WDR11: variants seen among roughly 807,000 people sequenced by gnomAD.
WDR11 encodes WD repeat domain 11, also known as WD repeat-containing protein 11.
Under a neutral mutation model 151.2 loss-of-function variants are expected in WDR11, and 83 were observed. The ratio of observed to expected loss-of-function variants is 0.55; its 90% CI spans 0.46 to 0.66. The LOEUF (loss-of-function observed/expected upper bound fraction) is 0.66. Ranked by LOEUF, WDR11 falls within the 30% of genes least tolerant of loss-of-function variation. WDR11 has a pLI of 0.00. For missense variants in WDR11, 1,301 were observed against 1,480.9 expected, an observed-to-expected ratio of 0.88 and a Z score of 1.99; for synonymous variants, 484 against 533.1, an observed-to-expected ratio of 0.91 and a Z score of 1.27.
intron 10 of WDR11, among the ~76,000 whole-genome samples, chr10:120,872,640 TCTC>T (rs1444867425): frequency 6.6e-6 from 1 of 152,088 alleles, no homozygotes; most frequent in African/African-American, 2.4e-5. Context: ...TGGAATTAAT[TCTC>T]CTTGTGGTGC....
intron 1 of WDR11, 95 bp downstream of exon 1, chr10:120,851,601 G>A: frequency 4.0e-6 from 6 of 1,482,410 alleles, no homozygotes; most frequent in Non-Finnish European, 5.5e-6. Context: ...GGTTAGTTTG[G>A]CCTCGCTAAG....
intron 2 of WDR11, among the ~76,000 whole-genome samples, chr10:120,855,770 ATTT>A (rs1452586124): frequency 6.6e-6 from 1 of 151,870 alleles, no homozygotes; most frequent in South Asian, 2.1e-4. Flanking sequence ...TTTTGGGTAA[ATTT>A]TTTTTAAGTA....
chr10:120,876,495 G>A (rs191238369), intron 11 of WDR11, among the ~76,000 whole-genome samples: 4 of 152,278 alleles, frequency 2.6e-5, no homozygotes, highest in East Asian at 1.9e-4. Flanking sequence ...AGTGACACAG[G>A]TATCTGTTTG....
At chr10:120,886,593 T>G (rs1462378880) in intron 15 of WDR11, 96 bp from the exon 16 acceptor site, 1 of 1,492,232 alleles carries the variant, frequency 6.7e-7, no homozygotes, top group Non-Finnish European at 9.1e-7. Flanking sequence ...TTGGACCTCC[T>G]CTTAATGCGT....
At position 120,871,153 on chromosome 10, in the gene WDR11, T is replaced by C. The variant is rs779873389; in HGVS notation, c.1295-17T>C. The C allele has an allele frequency of 5.6e-6, 9 of 1,613,874 alleles. No individual in the cohort carries two copies. The South Asian group carries it at 7.7e-5, about 14-fold the overall frequency. On this transcript the variant is annotated splice_polypyrimidine_tract_variant and intron_variant, in intron 9 of 28. Coordinates refer to ENST00000263461, the MANE Select transcript of WDR11 (RefSeq NM_018117.12). The stretch of plus-strand genomic sequence containing the variant: ...TACACTGTAGTTAATATATTTGTTA[T>C]TTTTATTACAAATCAGGGCAAAGTG...
chr10:120,854,894 C>T (rs1845896280), intron 2 of WDR11, among the ~76,000 whole-genome samples: 1 of 152,078 alleles, frequency 6.6e-6, no homozygotes, highest in African/African-American at 2.4e-5. Context: ...AGTAGTCCTC[C>T]CTTATCCAGA....
At chr10:120,874,657 G>A (rs763284467) in intron 11 of WDR11, among the ~76,000 whole-genome samples, 2 of 152,038 alleles carry the variant, frequency 1.3e-5, no homozygotes, top group African/African-American at 2.4e-5. Context: ...AGAACATACA[G>A]TGTTTGGTTT....
chr10:120,893,726 A>G (rs1354898635), intron 19 of WDR11, among the ~76,000 whole-genome samples: 1 of 152,104 alleles, frequency 6.6e-6, no homozygotes, highest in Non-Finnish European at 1.5e-5. Flanking sequence ...GTGAGATGGT[A>G]TCTCACTGTG....
chr10:120,878,468 T>A lies in WDR11; in HGVS notation c.1663+9T>A. On this transcript the variant is annotated intron_variant, in intron 12 of 28. Transcript: ENST00000263461. ...GGTTGATCTTCCAACAGGTTTGTTT[T>A]TAAAGATCCAAATAGGTTTGTCATA... 6.2e-7 allele frequency: 1 copy of A among 1,601,754 alleles called. No homozygotes were observed. The highest frequency in any genetic ancestry group is 1.1e-5 in the South Asian group (1 of 90,736).
chr10:120,866,781 G>T lies in WDR11; in HGVS notation c.1190+17G>T, dbSNP rs1846329157. 6.2e-6 allele frequency: 10 copies of T among 1,613,708 alleles called. No homozygotes were observed. In the East Asian group the frequency reaches 2.2e-4, roughly 36 times the overall value. On this transcript the variant is annotated intron_variant, in intron 8 of 28. Coordinates refer to ENST00000263461, the MANE Select transcript of WDR11 (RefSeq NM_018117.12). ...ACGGAACAGGTAAATGAATCAACAGGATCATGGTTTTGTTTTTTGTTTCCT... is the reference window on the plus strand; with the variant it reads ...ACGGAACAGGTAAATGAATCAACAGTATCATGGTTTTGTTTTTTGTTTCCT...
intron 5 of WDR11, among the ~76,000 whole-genome samples, chr10:120,863,691 A>G (rs1846215333): frequency 6.6e-6 from 1 of 152,038 alleles, no homozygotes; most frequent in Admixed American, 6.6e-5. Context: ...TTGTTTTGGC[A>G]TTCATTTTCA....
intron 9 of WDR11, among the ~76,000 whole-genome samples, chr10:120,870,790 A>G (rs1429133710): frequency 6.6e-6 from 1 of 152,222 alleles, no homozygotes; most frequent in African/African-American, 2.4e-5. Context: ...AGGCAGTAAA[A>G]TGAGAAAAAT....
intron 1 of WDR11, 199 bp downstream of exon 1, chr10:120,851,705 A>G: frequency 1.6e-6 from 1 of 635,604 alleles, no homozygotes; most frequent in African/African-American, 1.8e-5. Context: ...AAATTCCCCC[A>G]TGCAAATACA....
In WDR11 at chr10:120,866,710, G is replaced by T; in HGVS notation, c.1136G>T (p.Arg379Met). 10 of 1,614,196 alleles carry T rather than the reference G, an allele frequency of 6.2e-6. No homozygotes were observed. The highest frequency in any genetic ancestry group is 8.5e-6 in the Non-Finnish European group (10 of 1,180,040). The stretch of plus-strand genomic sequence containing the variant: ...GCCGCCCTCGTAGTGAGTGATGGCA[G>T]GGTCATGATATGGGAACTCAAGTCT... ...NAAALVVSDG[R>M]VMIWELKSAV... Residue 379 changes from arginine to methionine, a missense_variant, in exon 8 of 29, where the codon AGG (arginine) becomes ATG (methionine). By Grantham distance (91) the Arg-to-Met change is moderately conservative. This residue lies in a region of WDR11 where 692 missense variants were observed against 762.5 expected (regional missense o/e 0.91). Coordinates refer to ENST00000263461, the MANE Select transcript of WDR11 (RefSeq NM_018117.12).
At chr10:120,901,797 A>AAT (rs1245904803) in intron 21 of WDR11, among the ~76,000 whole-genome samples, 1 of 152,222 alleles carries the variant, frequency 6.6e-6, no homozygotes, top group East Asian at 1.9e-4. Context: ...CTGATTTGTG[A>AAT]ATATTCAGTA....
At chr10:120,889,449 C>G in intron 17 of WDR11, 1 of 420,248 alleles carries the variant, frequency 2.4e-6, no homozygotes, top group South Asian at 2.2e-5. Context: ...ACCATGTTAG[C>G]CAGGATGGTC....
intron 11 of WDR11, among the ~76,000 whole-genome samples, chr10:120,876,405 C>T (rs568816532): frequency 5.3e-5 from 8 of 152,188 alleles, no homozygotes; most frequent in East Asian, 1.9e-4. Context: ...TGCCACCTTA[C>T]GCTGTTCCTA....
At chr10:120,891,243 A>G (rs1847420136) in intron 19 of WDR11, among the ~76,000 whole-genome samples, 1 of 152,184 alleles carries the variant, frequency 6.6e-6, no homozygotes, top group Non-Finnish European at 1.5e-5. Flanking sequence ...CTGGCTTTTT[A>G]ATAATGGCCT....
chr10:120,906,595 G>T (rs1848057172), intron 27 of WDR11, 181 bp from the exon 28 acceptor site: 8 of 1,460,964 alleles, frequency 5.5e-6, no homozygotes, highest in Non-Finnish European at 6.3e-6. Context: ...GCTTGTGTTT[G>T]GAGATGTGAG....
Sources: gnomAD v4.1 joint callset for allele counts (sites outside exome capture counted in the v4.1 genomes callset) on GRCh38, gnomAD v4.1.1 for gene constraint, gnomAD v4.1.1 regional missense constraint, MANE v1.5 for transcripts, NCBI Gene and HGNC (gene_info 2026-07-23, HGNC 2026-07-21) for gene names.